ROBO2: variants seen among roughly 807,000 people sequenced by gnomAD.
The protein encoded by ROBO2 is roundabout guidance receptor 2, also known as roundabout homolog 2.
Under a neutral mutation model 160.8 loss-of-function variants are expected in ROBO2, and 53 were observed. The observed-to-expected ratio is 0.33, with a 90% CI of 0.26 to 0.41. ROBO2 has a LOEUF of 0.41. ROBO2 is among the 10% of genes least tolerant of loss of function. The pLI is 1.00. For missense variants in ROBO2, 1,577 were observed against 1,722.4 expected (o/e 0.92, Z 1.49); for synonymous variants, 664 against 611.7 (o/e 1.09, Z -1.26).
intron 23 of ROBO2, among the ~76,000 whole-genome samples, chr3:77,627,812 TG>T (rs1368667622): frequency 6.6e-6 from 1 of 152,202 alleles, no homozygotes; most frequent in East Asian, 1.9e-4. Context: ...GGCTAGTTTT[TG>T]TATCTCATAA....
intron 2 of ROBO2, among the ~76,000 whole-genome samples, chr3:76,414,946 T>C (rs529130041): frequency 2.0e-5 from 3 of 152,254 alleles, no homozygotes; most frequent in African/African-American, 7.2e-5. Context: ...TTCTTATCAA[T>C]TGAATTTCTG....
At chr3:76,622,763 CTTG>C (rs2089315040) in intron 2 of ROBO2, among the ~76,000 whole-genome samples, 2 of 152,292 alleles carry the variant, frequency 1.3e-5, no homozygotes, top group Admixed American at 1.3e-4. Flanking sequence ...CTCCTATCCA[CTTG>C]TCAAGCTTCT....
In ROBO2 at chr3:76,637,088, G is replaced by A. The variant is rs144780800; in HGVS notation, c.110-460926G>A. Among the ~76,000 whole-genome samples, 267 of 152,186 alleles carry A rather than the reference G, an allele frequency of 1.8e-3. 1 individual carries two copies. The highest frequency in any genetic ancestry group is 3.1e-3 in the Non-Finnish European group (213 of 68,008). Reference sequence around the variant, plus strand: ...AGTGTGAAATAAATGGGGGGCCTTAGGGTGTACATGGTTATTTTAACATCT... The same window carrying A: ...AGTGTGAAATAAATGGGGGGCCTTAAGGTGTACATGGTTATTTTAACATCT... On this transcript the variant is annotated intron_variant, in intron 2 of 26. Coordinates refer to the ROBO2 transcript ENST00000487694.
chr3:76,764,883 T>C (rs2061492689), intron 2 of ROBO2, among the ~76,000 whole-genome samples: 1 of 151,744 alleles, frequency 6.6e-6, no homozygotes, highest in Non-Finnish European at 1.5e-5. Flanking sequence ...CTTGATAGAC[T>C]TGCTGGCAAG....
At chr3:76,323,405 AT>A (rs1376369226) in intron 2 of ROBO2, among the ~76,000 whole-genome samples, 6 of 152,076 alleles carry the variant, frequency 3.9e-5, no homozygotes, top group African/African-American at 1.2e-4. Flanking sequence ...GCATACTATT[AT>A]TTTTTTATTT....
At chr3:76,516,758 A>G (rs1462405889) in intron 2 of ROBO2, among the ~76,000 whole-genome samples, 3 of 152,154 alleles carry the variant, frequency 2.0e-5, no homozygotes, top group African/African-American at 7.2e-5. Flanking sequence ...TAATTTGACA[A>G]GCATTCCGAC....
rs1005559123 is a variant in ROBO2 at position 77,167,916 on chromosome 3, T to G, written c.388+69576T>G. Among the ~76,000 whole-genome samples, 3 of 152,198 alleles carry G rather than the reference T, an allele frequency of 2.0e-5. No individual in the cohort carries two copies. In the East Asian group the frequency reaches 5.8e-4, roughly 29 times the overall value. On this transcript the variant is annotated intron_variant, in intron 2 of 25. Coordinates refer to ENST00000461745, the Ensembl canonical transcript of ROBO2. ...CTGCCGCATTAACTTTGTTGTTTCC[T>G]GTAAAACTTAGCAGGCAAAAATCTG...
At chr3:76,630,724 T>A (rs1433583815) in intron 2 of ROBO2, among the ~76,000 whole-genome samples, 2 of 152,214 alleles carry the variant, frequency 1.3e-5, no homozygotes, top group African/African-American at 4.8e-5. Flanking sequence ...TAAAAATGAC[T>A]CCAGGTGTGT....
At chr3:76,875,201 C>T (rs1019813885) in intron 2 of ROBO2, among the ~76,000 whole-genome samples, 28 of 152,236 alleles carry the variant, frequency 1.8e-4, no homozygotes, top group South Asian at 6.2e-4. Flanking sequence ...GATGCGGCAA[C>T]GGGGCACCAG....
intron 2 of ROBO2, among the ~76,000 whole-genome samples, chr3:76,043,826 T>A (rs1313504743): frequency 6.6e-6 from 1 of 151,954 alleles, no homozygotes; most frequent in Non-Finnish European, 1.5e-5. Flanking sequence ...TCTGGCCTTT[T>A]GGAATCCACA....
At chr3:77,642,747 C>T (rs761095553) in intron 24 of ROBO2, 5 of 456,624 alleles carry the variant, frequency 1.1e-5, no homozygotes, top group South Asian at 3.1e-5. Context: ...AGGCTGGTAA[C>T]GTGGAAAACT....
At chr3:76,002,520 A>G (rs2065915172) in intron 2 of ROBO2, among the ~76,000 whole-genome samples, 6 of 152,112 alleles carry the variant, frequency 3.9e-5, no homozygotes, top group Admixed American at 3.9e-4. Flanking sequence ...TGAGTCTCAC[A>G]AGATCTGTTG....
At chr3:77,039,463 G>A (rs2063852562), upstream of ROBO2, among the ~76,000 whole-genome samples, 1 of 152,186 alleles carries the variant, frequency 6.6e-6, no homozygotes, top group Non-Finnish European at 1.5e-5. Flanking sequence ...AATCACTCAC[G>A]GAGAAAATTA....
At chr3:75,942,054 T>G (rs2107085489) in intron 2 of ROBO2, among the ~76,000 whole-genome samples, 1 of 152,266 alleles carries the variant, frequency 6.6e-6, no homozygotes, top group Non-Finnish European at 1.5e-5. Context: ...CCCTTCATTT[T>G]CTCTTTCATT....
At chr3:76,012,920 C>T (rs749273278) in intron 2 of ROBO2, among the ~76,000 whole-genome samples, 12 of 145,980 alleles carry the variant, frequency 8.2e-5, no homozygotes, top group South Asian at 6.6e-4. Context: ...GTGACTGGCA[C>T]GGTGGCTTAC....
intron 2 of ROBO2, among the ~76,000 whole-genome samples, chr3:76,598,006 C>A (rs1463664371): frequency 6.6e-6 from 1 of 151,972 alleles, no homozygotes; most frequent in Non-Finnish European, 1.5e-5. Flanking sequence ...TAGCCCCAAA[C>A]TAGAAACAGC....
chr3:77,424,651 T>G (rs1182908253), intron 2 of ROBO2, among the ~76,000 whole-genome samples: 1 of 152,180 alleles, frequency 6.6e-6, no homozygotes, highest in African/African-American at 2.4e-5. Context: ...TAAAGGTTCT[T>G]TTCTTTTTTT....
At chr3:77,634,819 G>A in intron 23 of ROBO2, 51 bp from the exon 25 acceptor site, 2 of 1,534,140 alleles carry the variant, frequency 1.3e-6, no homozygotes, top group East Asian at 4.5e-5. Context: ...GACAGAATCA[G>A]TGTGCTATAA....
chr3:77,158,065 C>G (rs2078169166), intron 2 of ROBO2, among the ~76,000 whole-genome samples: 1 of 152,082 alleles, frequency 6.6e-6, no homozygotes, highest in South Asian at 2.1e-4. Flanking sequence ...TCCCTAAACA[C>G]AGTCAGTAAA....
Sources: allele counts gnomAD v4.1 joint callset (sites outside exome capture counted in the v4.1 genomes callset), GRCh38; gene constraint gnomAD v4.1.1; transcripts MANE v1.5; gene names NCBI Gene and HGNC (gene_info 2026-07-23, HGNC 2026-07-21).